The following EPS15 variants were observed in gnomAD, a reference collection of about 807,000 sequenced individuals.
EPS15 encodes the protein epidermal growth factor receptor substrate 15.
In EPS15, 72 loss-of-function variants were observed where a neutral mutation model predicts 113.8. The observed-to-expected ratio is 0.63, with a 90% CI of 0.52 to 0.77. The LOEUF (loss-of-function observed/expected upper bound fraction) is 0.77, where lower values mean the gene tolerates loss of function less well. EPS15 is among the 30% of genes least tolerant of loss of function. The pLI is 0.00. For synonymous variants in EPS15, 344 were observed against 363.4 expected (o/e 0.95, Z 0.61); for missense variants, 1,048 against 1,045.8 (o/e 1.00, Z -0.03).
intron 1 of EPS15, among the ~76,000 whole-genome samples, chr1:51,482,823 G>C (rs909155689): frequency 6.6e-6 from 1 of 152,124 alleles, no homozygotes; most frequent in Non-Finnish European, 1.5e-5. Context: ...TGGCAGAAGA[G>C]AAGGGTATGG....
intron 1 of EPS15, among the ~76,000 whole-genome samples, chr1:51,508,213 G>C: frequency 1.1e-5 from 1 of 87,920 alleles, no homozygotes; most frequent in Non-Finnish European, 2.4e-5. Context: ...GAAAAGAAAA[G>C]AAAAGAAAAG....
At chr1:51,489,465 G>A (rs1644192315) in intron 1 of EPS15, among the ~76,000 whole-genome samples, 1 of 151,762 alleles carries the variant, frequency 6.6e-6, no homozygotes, top group Admixed American at 6.6e-5. Context: ...GGGACTACAG[G>A]TGCACACCAC....
chr1:51,448,494 A>G (rs1458971429), intron 8 of EPS15, among the ~76,000 whole-genome samples: 2 of 152,188 alleles, frequency 1.3e-5, no homozygotes, highest in Non-Finnish European at 2.9e-5. Flanking sequence ...AAAAAGTCCA[A>G]TAGAAAAATG....
At chr1:51,474,672 TTTC>T (rs892051671) in intron 2 of EPS15, among the ~76,000 whole-genome samples, 1 of 152,018 alleles carries the variant, frequency 6.6e-6, no homozygotes, top group Non-Finnish European at 1.5e-5. Flanking sequence ...ATGAAATAGT[TTTC>T]TTTTTTTATT....
intron 21 of EPS15, among the ~76,000 whole-genome samples, chr1:51,392,268 T>C (rs1397040326): frequency 6.6e-6 from 1 of 152,192 alleles, no homozygotes; most frequent in Non-Finnish European, 1.5e-5. Context: ...CTTGTCTGTA[T>C]AATAAACATA....
At chr1:51,496,376 T>C (rs1480878296) in intron 1 of EPS15, among the ~76,000 whole-genome samples, 3 of 152,204 alleles carry the variant, frequency 2.0e-5, no homozygotes, top group African/African-American at 7.2e-5. Context: ...ACATTTGAAC[T>C]TGATAACACT....
chr1:51,471,100 G>A (rs1655204530), intron 4 of EPS15, among the ~76,000 whole-genome samples: 1 of 152,152 alleles, frequency 6.6e-6, no homozygotes, highest in South Asian at 2.1e-4. Flanking sequence ...TGGGGAGGAA[G>A]CCTAACTTTG....
chr1:51,458,473 A>G, intron 8 of EPS15: 1 of 413,634 alleles, frequency 2.4e-6, no homozygotes, highest in Non-Finnish European at 4.9e-6. Context: ...GAGGTGGCTC[A>G]TGCCTGTAAT....
chr1:51,354,987 C>A lies in EPS15; in HGVS notation c.*1713G>T. On this transcript the variant is annotated 3_prime_UTR_variant, in exon 25 of 25. Transcript: ENST00000371733. ...AGAGGAAGAAAATAAACAAAAATAC[C>A]ACCTATCACAACTCCCAGTCAAATT... is the stretch of plus-strand genomic sequence containing the variant. 1 of 221,228 alleles carries A rather than the reference C, an allele frequency of 4.5e-6. No homozygotes were observed. The highest frequency in any genetic ancestry group is 9.0e-6 in the Non-Finnish European group (1 of 110,500). The allele number at this position is 221,228 out of a possible 1,614,324, so 13.7% of individuals were successfully genotyped here.
chr1:51,361,023 CAG>C (rs1646372558), intron 24 of EPS15, 146 bp downstream of exon 24: 2 of 635,450 alleles, frequency 3.1e-6, no homozygotes, highest in Non-Finnish European at 2.7e-6. Context: ...CAGGATCAAA[CAG>C]AGGTTTTGCT....
chr1:51,400,109 C>T (rs1040259247), intron 19 of EPS15, among the ~76,000 whole-genome samples: 1 of 151,988 alleles, frequency 6.6e-6, no homozygotes, highest in African/African-American at 2.4e-5. Flanking sequence ...AGCTAACAGC[C>T]AATAGTTTAG....
At chr1:51,498,515 C>T (rs2148547283) in intron 1 of EPS15, among the ~76,000 whole-genome samples, 1 of 152,018 alleles carries the variant, frequency 6.6e-6, no homozygotes, top group East Asian at 1.9e-4. Flanking sequence ...GATGATTTTG[C>T]CCAATTGTAG....
intron 24 of EPS15, among the ~76,000 whole-genome samples, chr1:51,359,585 C>T (rs968048365): frequency 5.3e-5 from 8 of 151,264 alleles, no homozygotes; most frequent in Non-Finnish European, 7.4e-5. Context: ...CATGGAGAAA[C>T]CCCGTCTCTA....
In EPS15 at chr1:51,355,401, T is replaced by G. The variant is rs887810860; in HGVS notation, c.*1299A>C. ...TACATCATCTAAGTCAGTAACCGTG[T>G]TAAACAAAATTAAAATGACAAGTTA... On this transcript the variant is annotated 3_prime_UTR_variant, in exon 25 of 25. Coordinates refer to ENST00000371733, the MANE Select transcript of EPS15 (RefSeq NM_001981.3). 1 of 203,172 alleles carries G rather than the reference T, an allele frequency of 4.9e-6. No homozygotes were observed. The highest frequency in any genetic ancestry group is 2.3e-5 in the African/African-American group (1 of 43,650). 12.6% of individuals were successfully genotyped at this position (203,172 alleles called of 1,614,324 possible). A position where few individuals can be genotyped will look rare whatever the true frequency, so the allele number is the denominator to read the frequency against.
chr1:51,409,462 G>T, intron 14 of EPS15, 73 bp downstream of exon 14: 2 of 1,398,532 alleles, frequency 1.4e-6, no homozygotes, highest in East Asian at 2.3e-5. Context: ...AAAAAGTAGA[G>T]AATGTTTTCA....
intron 1 of EPS15, among the ~76,000 whole-genome samples, chr1:51,502,064 T>A: frequency 6.6e-6 from 1 of 151,984 alleles, no homozygotes; most frequent in Middle Eastern, 3.2e-3. Context: ...CCTTAGGAGT[T>A]TGAGACCACC....
intron 1 of EPS15, among the ~76,000 whole-genome samples, chr1:51,508,223 GAAAAGAAAAGAAA>G (rs749146934): frequency 5.7e-4 from 45 of 78,500 alleles, no homozygotes; most frequent in Non-Finnish European, 6.7e-4. Context: ...GAAAAGAAAA[GAAAAGAAAAGAAA>G]AGAAAGAGAG....
intron 1 of EPS15, among the ~76,000 whole-genome samples, chr1:51,503,315 G>A (rs1234446999): frequency 6.6e-6 from 1 of 152,090 alleles, no homozygotes. Flanking sequence ...CAAGGAATCC[G>A]GAATAGCCGA....
chr1:51,427,955 C>G (rs1304123454), intron 12 of EPS15, among the ~76,000 whole-genome samples: 1 of 152,094 alleles, frequency 6.6e-6, no homozygotes, highest in African/African-American at 2.4e-5. Flanking sequence ...CAAACTGTTG[C>G]AATAATCTTT....
Sources: gnomAD v4.1 joint callset for allele counts (sites outside exome capture counted in the v4.1 genomes callset) on GRCh38, gnomAD v4.1.1 for gene constraint, MANE v1.5 for transcripts, NCBI Gene and HGNC (gene_info 2026-07-23, HGNC 2026-07-21) for gene names.